Variants in TENM4 observed in about 807,000 individuals in gnomAD.
TENM4 encodes teneurin-4.
A neutral mutation model predicts 243.3 loss-of-function variants in TENM4; 82 were observed. The observed-to-expected ratio is 0.34, with a 90% CI of 0.28 to 0.40. TENM4 has a LOEUF of 0.40. TENM4 is among the 10% of genes least tolerant of loss of function. TENM4 has a pLI of 1.00. For missense variants in TENM4, 3,138 were observed against 3,673.3 expected (o/e 0.85, Z 3.77); for synonymous variants, 1,412 against 1,456.3 (o/e 0.97, Z 0.69).
At chr11:78,737,248 A>C (rs535128619) in intron 20 of TENM4, among the ~76,000 whole-genome samples, 1 of 152,212 alleles carries the variant, frequency 6.6e-6, no homozygotes, top group African/African-American at 2.4e-5. Flanking sequence ...GGGAGTCTTC[A>C]TGAGGGCCTT....
intron 1 of TENM4, among the ~76,000 whole-genome samples, chr11:79,306,158 G>C (rs1856622706): frequency 6.6e-6 from 1 of 152,186 alleles, no homozygotes; most frequent in South Asian, 2.1e-4. Context: ...TTTTTGTGTG[G>C]ATCCTGTGCT....
At chr11:79,398,629 A>G (rs530055663) in intron 1 of TENM4, among the ~76,000 whole-genome samples, 7 of 151,934 alleles carry the variant, frequency 4.6e-5, no homozygotes, top group Middle Eastern at 3.4e-3. Context: ...AATAGTATGG[A>G]CCCAATAGAA....
intron 6 of TENM4, among the ~76,000 whole-genome samples, chr11:79,049,380 G>A (rs951118211): frequency 2.0e-5 from 3 of 152,222 alleles, no homozygotes; most frequent in Non-Finnish European, 4.4e-5. Context: ...CTCTCTAAGA[G>A]TTATTGCATG....
intron 16 of TENM4, among the ~76,000 whole-genome samples, chr11:78,780,528 T>A (rs1000792231): frequency 6.6e-5 from 10 of 152,078 alleles, no homozygotes; most frequent in African/African-American, 2.4e-4. Context: ...CTGGATGAGA[T>A]GCCATCACTG....
chr11:79,175,630 G>A (rs1194779621), intron 3 of TENM4, among the ~76,000 whole-genome samples: 1 of 152,116 alleles, frequency 6.6e-6, no homozygotes, highest in Non-Finnish European at 1.5e-5. Flanking sequence ...AGAAATTAAA[G>A]GCAAACTTGT....
At position 79,040,033 on chromosome 11, in the gene TENM4, T is replaced by TAA. The variant is rs34900293; in HGVS notation, c.493+24703_493+24704dup. 3.8e-3 allele frequency among the ~76,000 whole-genome samples: 538 copies of TAA among 142,614 alleles called. 2 individuals are homozygous for TAA. Among genetic ancestry groups the TAA allele is most frequent in the Non-Finnish European group, 4.9e-3 (322 of 65,830 alleles). The allele number at this position is 142,614 out of a possible 152,430, so 93.6% of individuals were successfully genotyped here. A position where few individuals can be genotyped will look rare whatever the true frequency, so the allele number is the denominator to read the frequency against. ...GGCTAAATAAAAGAGGCAAAATGAT[T>TAA]AAAAAAAAAAAAAAGACTTCTATAA... On this transcript the variant is annotated intron_variant, in intron 6 of 33. Transcript: ENST00000278550.
At chr11:79,390,535 T>C (rs1858210595) in intron 1 of TENM4, among the ~76,000 whole-genome samples, 1 of 152,182 alleles carries the variant, frequency 6.6e-6, no homozygotes, top group African/African-American at 2.4e-5. Flanking sequence ...CTATCCTCAT[T>C]TTTCAGAAGC....
rs543340897 is a variant in TENM4 at position 78,968,764 on chromosome 11, C to T, written c.494-65241G>A. Among the ~76,000 whole-genome samples, 12 of 152,266 alleles carry T rather than the reference C, an allele frequency of 7.9e-5. No homozygotes were observed. In the East Asian group the frequency reaches 9.6e-4, roughly 12 times the overall value. ...AGAAGTGAAGTAAATTGTCTATGGT[C>T]GTAAGGCCCAGATGACAACCCATAA... is the stretch of plus-strand genomic sequence containing the variant. On this transcript the variant is annotated intron_variant, in intron 6 of 33. Transcript: ENST00000278550.
At chr11:79,199,379 C>T (rs746342569) in intron 3 of TENM4, among the ~76,000 whole-genome samples, 9 of 152,226 alleles carry the variant, frequency 5.9e-5, no homozygotes, top group East Asian at 1.9e-4. Context: ...TTGTTTCAGC[C>T]GCCTCATCTG....
chr11:78,799,745 T>C (rs1324865499), intron 15 of TENM4, among the ~76,000 whole-genome samples: 1 of 152,172 alleles, frequency 6.6e-6, no homozygotes, highest in African/African-American at 2.4e-5. Flanking sequence ...TCCACAAAAC[T>C]CAATTGCAAT....
chr11:79,225,317 A>G (rs1460856998), intron 2 of TENM4, among the ~76,000 whole-genome samples: 1 of 152,192 alleles, frequency 6.6e-6, no homozygotes, highest in Non-Finnish European at 1.5e-5. Context: ...GAAAAAATCT[A>G]AACAGAATTA....
At chr11:79,318,277 CT>C (rs2135423995) in intron 1 of TENM4, among the ~76,000 whole-genome samples, 1 of 152,298 alleles carries the variant, frequency 6.6e-6, no homozygotes, top group African/African-American at 2.4e-5. Flanking sequence ...ATGACATTTA[CT>C]TACCAGTGAG....
At chr11:79,011,455 C>T (rs1858638757) in intron 6 of TENM4, among the ~76,000 whole-genome samples, 2 of 152,180 alleles carry the variant, frequency 1.3e-5, no homozygotes, top group South Asian at 4.1e-4. Context: ...GTTGCCTGCC[C>T]AAGACTCTCC....
At chr11:78,772,705 T>A (rs866598552) in intron 17 of TENM4, among the ~76,000 whole-genome samples, 1 of 150,690 alleles carries the variant, frequency 6.6e-6, no homozygotes, top group Non-Finnish European at 1.5e-5. Context: ...TTGACTGTTA[T>A]TCCAAAGTAA....
At chr11:79,163,153 G>A (rs2135090937) in intron 3 of TENM4, among the ~76,000 whole-genome samples, 1 of 152,266 alleles carries the variant, frequency 6.6e-6, no homozygotes, top group South Asian at 2.1e-4. Flanking sequence ...CTGCCCAATG[G>A]CACAGACGAT....
rs541827780 is a variant in TENM4 at position 78,656,242 on chromosome 11, A to G, written c.*1816T>C. 4 of 152,358 alleles carry G rather than the reference A, an allele frequency of 2.6e-5. No individual in the cohort carries two copies. The highest frequency in any genetic ancestry group is 4.4e-5 in the Non-Finnish European group (3 of 68,052). 9.4% of individuals were successfully genotyped at this position (152,358 alleles called of 1,614,324 possible). On this transcript the variant is annotated 3_prime_UTR_variant, in exon 34 of 34. Transcript: ENST00000278550. Reference sequence around the variant, plus strand: ...ATGTGAGTAAGGCTATAGAGGTGCCATGAGCTTATCAGTCCAACAAGGTTT... The same window carrying G: ...ATGTGAGTAAGGCTATAGAGGTGCCGTGAGCTTATCAGTCCAACAAGGTTT...
intron 12 of TENM4, among the ~76,000 whole-genome samples, chr11:78,825,068 G>A (rs2136131541): frequency 6.6e-6 from 1 of 152,292 alleles, no homozygotes; most frequent in Non-Finnish European, 1.5e-5. Flanking sequence ...TTGATTTGTT[G>A]ATCAAGTCTC....
At chr11:78,972,741 T>C (rs1591174330) in intron 6 of TENM4, among the ~76,000 whole-genome samples, 1 of 152,176 alleles carries the variant, frequency 6.6e-6, no homozygotes, top group Non-Finnish European at 1.5e-5. Context: ...TTTTAGTATA[T>C]TCACAGAGTA....
At chr11:78,940,714 C>T (rs1856873087) in intron 6 of TENM4, among the ~76,000 whole-genome samples, 1 of 152,162 alleles carries the variant, frequency 6.6e-6, no homozygotes, top group South Asian at 2.1e-4. Context: ...TAACCTGAGC[C>T]CCACTGGCTT....
Sources: allele counts gnomAD v4.1 joint callset (sites outside exome capture counted in the v4.1 genomes callset), GRCh38; gene constraint gnomAD v4.1.1; transcripts MANE v1.5; gene names NCBI Gene and HGNC (gene_info 2026-07-23, HGNC 2026-07-21).